Variants in ADCY8 observed in about 807,000 individuals in gnomAD.
The protein encoded by ADCY8 is adenylate cyclase type 8.
In ADCY8, 51 loss-of-function variants were observed where a neutral mutation model predicts 119.7. That is an observed-to-expected ratio of 0.43 (90% CI 0.34 to 0.54). The LOEUF (loss-of-function observed/expected upper bound fraction) is 0.54, where lower values mean the gene tolerates loss of function less well. Among genes scored for constraint, ADCY8 ranks in the 20% least tolerant of loss-of-function variants. The pLI, the probability that ADCY8 is intolerant of heterozygous loss-of-function variation, is 0.03. For missense variants in ADCY8, 1,383 were observed against 1,598.8 expected, an observed-to-expected ratio of 0.87 and a Z score of 2.30; for synonymous variants, 665 against 651.0, an observed-to-expected ratio of 1.02 and a Z score of -0.33.
chr8:130,790,137 T>TG (rs35633932), intron 15 of ADCY8, among the ~76,000 whole-genome samples: 94,129 of 151,952 alleles, frequency 0.62, 30,202 homozygotes, highest in African/African-American at 0.75. Flanking sequence ...AAGTGCATGC[T>TG]GCTTTGAGGG....
chr8:130,899,520 C>A (rs1318150738), intron 7 of ADCY8, among the ~76,000 whole-genome samples: 3 of 151,910 alleles, frequency 2.0e-5, no homozygotes, highest in African/African-American at 7.3e-5. Flanking sequence ...TTGGAAGAAT[C>A]GCTGGAACCC....
chr8:130,921,308 C>T (rs1476554911), intron 5 of ADCY8, among the ~76,000 whole-genome samples: 2 of 151,944 alleles, frequency 1.3e-5, no homozygotes, highest in Non-Finnish European at 2.9e-5. Flanking sequence ...ATTAAAAAAG[C>T]TGAAGTTGGT....
chr8:130,880,975 A>G (rs1287827848), intron 8 of ADCY8, among the ~76,000 whole-genome samples: 1 of 152,210 alleles, frequency 6.6e-6, no homozygotes, highest in Admixed American at 6.5e-5. Flanking sequence ...ATGTTCGCTA[A>G]GCTACATGAG....
chr8:130,896,585 G>A (rs1156509172), intron 7 of ADCY8, among the ~76,000 whole-genome samples: 5 of 152,080 alleles, frequency 3.3e-5, no homozygotes, highest in Admixed American at 1.3e-4. Flanking sequence ...TTGAAAGCAG[G>A]CAAAGTGTGA....
intron 17 of ADCY8, among the ~76,000 whole-genome samples, chr8:130,782,421 A>T (rs2130033690): frequency 6.6e-6 from 1 of 152,350 alleles, no homozygotes; most frequent in South Asian, 2.1e-4. Flanking sequence ...TAAATGATTC[A>T]CCCAAAGTCA....
At chr8:130,831,056 A>G (rs1225265317) in intron 12 of ADCY8, among the ~76,000 whole-genome samples, 1 of 152,242 alleles carries the variant, frequency 6.6e-6, no homozygotes, top group Non-Finnish European at 1.5e-5. Context: ...GCAAATAGAA[A>G]AAAACCACAT....
intron 2 of ADCY8, 136 bp downstream of exon 2, chr8:130,990,257 G>A: frequency 8.6e-7 from 1 of 1,166,552 alleles, no homozygotes; most frequent in Non-Finnish European, 1.2e-6. Context: ...AACTATTTCA[G>A]ACTCTGGAAT....
chr8:130,809,163 C>G (rs1464388207), intron 14 of ADCY8, among the ~76,000 whole-genome samples: 1 of 152,138 alleles, frequency 6.6e-6, no homozygotes, highest in Non-Finnish European at 1.5e-5. Flanking sequence ...TTTGAGTCAT[C>G]CTTTGTCACA....
intron 11 of ADCY8, among the ~76,000 whole-genome samples, chr8:130,845,731 C>T (rs1350582556): frequency 6.6e-6 from 1 of 152,128 alleles, no homozygotes; most frequent in Non-Finnish European, 1.5e-5. Flanking sequence ...CCATCCTGTC[C>T]TGCACATCCA....
intron 1 of ADCY8, among the ~76,000 whole-genome samples, chr8:131,014,951 A>G (rs1823422596): frequency 6.6e-6 from 1 of 152,216 alleles, no homozygotes. Flanking sequence ...TTATTGTGAC[A>G]ATGTCATTTA....
intron 6 of ADCY8, among the ~76,000 whole-genome samples, chr8:130,905,137 A>AT (rs1363337578): frequency 6.6e-6 from 1 of 152,244 alleles, no homozygotes; most frequent in Non-Finnish European, 1.5e-5. Context: ...TAGTCAAAAC[A>AT]GTGCATGGTA....
chr8:130,857,723 A>G (rs1040508881), intron 9 of ADCY8, among the ~76,000 whole-genome samples: 10 of 152,124 alleles, frequency 6.6e-5, no homozygotes, highest in Non-Finnish European at 1.0e-4. Flanking sequence ...AGATTCATTA[A>G]ATCATTATGG....
intron 7 of ADCY8, among the ~76,000 whole-genome samples, chr8:130,890,806 A>C (rs1465200939): frequency 1.3e-5 from 2 of 152,178 alleles, no homozygotes; most frequent in Non-Finnish European, 2.9e-5. Flanking sequence ...TCCATGAGCC[A>C]GTTGTGGAAG....
chr8:130,925,312 A>T (rs564549387), intron 5 of ADCY8, among the ~76,000 whole-genome samples: 1 of 152,354 alleles, frequency 6.6e-6, no homozygotes, highest in East Asian at 1.9e-4. Flanking sequence ...AGGTTTCTGT[A>T]ACTCAACTGC....
intron 7 of ADCY8, among the ~76,000 whole-genome samples, chr8:130,890,671 G>T (rs1819154917): frequency 6.6e-6 from 1 of 152,144 alleles, no homozygotes. Flanking sequence ...GGGATCCAGA[G>T]AATGTCACTC....
chr8:130,842,280 T>C (rs1199952373), intron 11 of ADCY8, among the ~76,000 whole-genome samples: 1 of 152,170 alleles, frequency 6.6e-6, no homozygotes, highest in African/African-American at 2.4e-5. Flanking sequence ...TGTGTTTATA[T>C]TGAGGTTTTG....
At chr8:130,868,005 G>A in intron 8 of ADCY8, 59 bp from the exon 9 acceptor site, 1 of 1,093,118 alleles carries the variant, frequency 9.1e-7, no homozygotes, top group East Asian at 2.5e-5. Context: ...GTTTGAGGTT[G>A]AGGGAAACAT....
At position 130,936,886 on chromosome 8, in the gene ADCY8, T is replaced by C. The variant is rs1224122388; in HGVS notation, c.1481+187A>G. Among the ~76,000 whole-genome samples the C allele has an allele frequency of 2.6e-5, 4 of 152,172 alleles. No individual in the cohort carries two copies. In the East Asian group the frequency reaches 7.7e-4, roughly 29 times the overall value. Reference sequence around the variant, plus strand: ...CAAATAATTAAAAGTGAGGTAAACTTAGAAAACAATGATGCTAACAGGTTC... The same window carrying C: ...CAAATAATTAAAAGTGAGGTAAACTCAGAAAACAATGATGCTAACAGGTTC... On this transcript the variant is annotated intron_variant, in intron 5 of 17. Coordinates refer to ENST00000286355, the MANE Select transcript of ADCY8 (RefSeq NM_001115.3).
chr8:130,835,363 C>G (rs141932643), intron 12 of ADCY8, among the ~76,000 whole-genome samples: 1 of 152,314 alleles, frequency 6.6e-6, no homozygotes, highest in African/African-American at 2.4e-5. Flanking sequence ...CTTTTTCCCA[C>G]CTTAGAGCCT....
Sources: gnomAD v4.1 joint callset for allele counts (sites outside exome capture counted in the v4.1 genomes callset) on GRCh38, gnomAD v4.1.1 for gene constraint, MANE v1.5 for transcripts, NCBI Gene and HGNC (gene_info 2026-07-23, HGNC 2026-07-21) for gene names.